The following CAP2 variants were observed in gnomAD, a reference collection of about 807,000 sequenced individuals.
CAP2 encodes adenylyl cyclase-associated protein 2.
In CAP2, 24 loss-of-function variants were observed where a neutral mutation model predicts 57.7. The ratio of observed to expected loss-of-function variants is 0.42; its 90% CI spans 0.30 to 0.58. CAP2 has a LOEUF of 0.58. Among genes scored for constraint, CAP2 ranks in the 20% least tolerant of loss-of-function variants. The pLI is 0.22. For missense variants in CAP2, 501 were observed against 590.3 expected (o/e 0.85, Z 1.57); for synonymous variants, 194 against 207.2 (o/e 0.94, Z 0.55).
chr6:17,539,526 C>T (rs1389853653), intron 8 of CAP2, 68 bp downstream of exon 8: 8 of 1,240,534 alleles, frequency 6.4e-6, no homozygotes, highest in Non-Finnish European at 9.1e-6. Context: ...AAAAGAGCCG[C>T]TGGAGCCCCA....
chr6:17,453,954 G>A (rs192560096), intron 3 of CAP2, among the ~76,000 whole-genome samples: 24 of 145,508 alleles, frequency 1.6e-4, no homozygotes, highest in African/African-American at 5.2e-4. Context: ...GCGTGATCAC[G>A]GCTCACTGCA....
intron 1 of CAP2, among the ~76,000 whole-genome samples, chr6:17,394,104 C>T (rs1397166916): frequency 6.7e-6 from 1 of 149,446 alleles, no homozygotes; most frequent in African/African-American, 2.5e-5. Flanking sequence ...CCAGCGCCGC[C>T]GCCCGCCCGG....
In CAP2 at chr6:17,432,508, T is replaced by C. The variant is rs571467311; in HGVS notation, c.222+5818T>C. 1.2e-4 allele frequency among the ~76,000 whole-genome samples: 19 copies of C among 152,326 alleles called. No individual in the cohort carries two copies. In the South Asian group the frequency reaches 3.9e-3, roughly 32 times the overall value. ...CACTAGATGTGGAATATCTTGGCAA[T>C]TGCAAGCCCGAAGAATCTGTATGTC... On this transcript the variant is annotated intron_variant, in intron 3 of 12. Coordinates refer to ENST00000229922, the MANE Select transcript of CAP2 (RefSeq NM_006366.3).
intron 1 of CAP2, among the ~76,000 whole-genome samples, chr6:17,407,571 G>C (rs2113511823): frequency 6.6e-6 from 1 of 151,956 alleles, no homozygotes; most frequent in East Asian, 1.9e-4. Flanking sequence ...GAGGTCAGGA[G>C]TTCAAGACCA....
At chr6:17,467,033 T>G (rs1173417668) in intron 4 of CAP2, among the ~76,000 whole-genome samples, 1 of 152,078 alleles carries the variant, frequency 6.6e-6, no homozygotes, top group East Asian at 1.9e-4. Flanking sequence ...TTTTGGGCAT[T>G]GGGGAGGGAA....
intron 4 of CAP2, among the ~76,000 whole-genome samples, chr6:17,505,363 G>A (rs897589298): frequency 6.6e-6 from 1 of 152,202 alleles, no homozygotes; most frequent in East Asian, 1.9e-4. Context: ...ATAGTTTGCT[G>A]TCCGTGGCAG....
chr6:17,441,647 C>T (rs763909882), intron 3 of CAP2, among the ~76,000 whole-genome samples: 16 of 147,030 alleles, frequency 1.1e-4, no homozygotes, highest in Admixed American at 1.3e-4. Flanking sequence ...CCACGCTCAG[C>T]TAATTTTTCA....
intron 7 of CAP2, among the ~76,000 whole-genome samples, chr6:17,538,658 A>G (rs1762829406): frequency 1.3e-5 from 2 of 152,234 alleles, no homozygotes; most frequent in Admixed American, 6.5e-5. Context: ...ATGAAAAGTC[A>G]TGTGGATCCT....
Position 17,522,932 on chromosome 6 carries a change from C to T in CAP2, c.636+8978C>T, listed in dbSNP as rs555145302. Among the ~76,000 whole-genome samples, 27 of 152,252 alleles carry T rather than the reference C, an allele frequency of 1.8e-4. 1 individual carries two copies. The Middle Eastern group carries it at 0.031, about 173-fold the overall frequency. On this transcript the variant is annotated intron_variant, in intron 7 of 12. Coordinates refer to ENST00000229922, the MANE Select transcript of CAP2 (RefSeq NM_006366.3). ...GCCTCAGCCTCCAGAGTAGCCGGTACTACAGCCATATGCCACCATGCCTGG... is the reference window on the plus strand; with the variant it reads ...GCCTCAGCCTCCAGAGTAGCCGGTATTACAGCCATATGCCACCATGCCTGG...
chr6:17,543,479 G>C (rs1488747031), intron 11 of CAP2, among the ~76,000 whole-genome samples: 1 of 152,022 alleles, frequency 6.6e-6, no homozygotes, highest in African/African-American at 2.4e-5. Flanking sequence ...AAATTAGCTG[G>C]GCATGGTGGC....
At chr6:17,393,929 C>T (rs955093830) in intron 1 of CAP2, among the ~76,000 whole-genome samples, 183 bp downstream of exon 1, 1 of 146,466 alleles carries the variant, frequency 6.8e-6, no homozygotes, top group South Asian at 2.1e-4. Flanking sequence ...GGGGCCGGGG[C>T]GCGGCGACCC....
intron 3 of CAP2, among the ~76,000 whole-genome samples, chr6:17,435,544 G>T (rs1234781093): frequency 1.1e-5 from 1 of 94,888 alleles, no homozygotes; most frequent in African/African-American, 4.1e-5. Flanking sequence ...GGTCGGGGGA[G>T]GGGGGAGGGA....
At chr6:17,426,803 G>A in intron 3 of CAP2, 113 bp downstream of exon 3, 1 of 728,840 alleles carries the variant, frequency 1.4e-6, no homozygotes, top group Admixed American at 2.3e-5. Context: ...TTTTACTCTG[G>A]CTAGGCAGAT....
chr6:17,420,762 G>A (rs936776899), intron 1 of CAP2, among the ~76,000 whole-genome samples: 1 of 152,202 alleles, frequency 6.6e-6, no homozygotes, highest in African/African-American at 2.4e-5. Flanking sequence ...GCAGTATAAA[G>A]GGAGTGAATA....
chr6:17,402,895 A>G (rs1297580874), intron 1 of CAP2, among the ~76,000 whole-genome samples: 1 of 152,166 alleles, frequency 6.6e-6, no homozygotes, highest in African/African-American at 2.4e-5. Flanking sequence ...TGTCTTCTCA[A>G]TTTTTCCTTA....
At chr6:17,520,973 C>T (rs1045308734) in intron 7 of CAP2, among the ~76,000 whole-genome samples, 7 of 152,208 alleles carry the variant, frequency 4.6e-5, no homozygotes, top group East Asian at 1.9e-4. Flanking sequence ...GCTCTTCCCA[C>T]GGAGTGGCCC....
chr6:17,529,534 A>G (rs1045770334), intron 7 of CAP2, among the ~76,000 whole-genome samples: 7 of 151,616 alleles, frequency 4.6e-5, no homozygotes, highest in Non-Finnish European at 8.8e-5. Context: ...CCAGCTACTC[A>G]GGAGGCTGAG....
intron 11 of CAP2, among the ~76,000 whole-genome samples, chr6:17,550,933 A>G (rs781038206): frequency 6.6e-5 from 10 of 152,274 alleles, no homozygotes; most frequent in Middle Eastern, 6.8e-3. Flanking sequence ...TTTATCTAGC[A>G]AAGGACTTAT....
intron 4 of CAP2, among the ~76,000 whole-genome samples, chr6:17,484,151 C>CT (rs1761364880): frequency 6.6e-6 from 1 of 152,054 alleles, no homozygotes; most frequent in Admixed American, 6.6e-5. Context: ...CGGATGGACT[C>CT]TATTTTTTTG....
Sources: allele counts gnomAD v4.1 joint callset (sites outside exome capture counted in the v4.1 genomes callset), GRCh38; gene constraint gnomAD v4.1.1; transcripts MANE v1.5; gene names NCBI Gene and HGNC (gene_info 2026-07-23, HGNC 2026-07-21).